The following ITPR1 variants were observed in gnomAD, a reference collection of about 807,000 sequenced individuals.
ITPR1 encodes the protein inositol 1,4,5-trisphosphate-gated calcium channel ITPR1.
In ITPR1, 96 loss-of-function variants were observed where a neutral mutation model predicts 318.4. That is an observed-to-expected ratio of 0.30 (90% confidence interval 0.26 to 0.36). ITPR1 has a LOEUF of 0.36. Ranked by LOEUF, ITPR1 falls within the 10% of genes least tolerant of loss-of-function variation. The probability of loss-of-function intolerance (pLI) is 1.00; values close to 1 mark genes in which losing one functional copy is unlikely to be tolerated. For missense variants in ITPR1, 2,440 were observed against 3,460.2 expected, an observed-to-expected ratio of 0.71 and a Z score of 7.40; for synonymous variants, 1,312 against 1,289.9, an observed-to-expected ratio of 1.02 and a Z score of -0.37.
rs1161664837 is a variant in ITPR1, at chr3:4,624,670, C to CAAA, written c.164-3072_164-3070dup. On this transcript the variant is annotated intron_variant, in intron 4 of 61. Coordinates refer to ENST00000649015, the MANE Select transcript of ITPR1 (RefSeq NM_001378452.1). The stretch of plus-strand genomic sequence containing the variant: ...GGGCAACAGAGCCAGGCTCTGTCTC[C>CAAA]AAAAAAAAAAAAAAAAAAAAAAAGA... Among the ~76,000 whole-genome samples the CAAA allele has an allele frequency of 1.7e-3, 123 of 72,424 alleles. 1 individual carries two copies. The highest frequency in any genetic ancestry group is 4.9e-3 in the African/African-American group (115 of 23,242). 47.5% of individuals were successfully genotyped at this position (72,424 alleles called of 152,430 possible). A position where few individuals can be genotyped will look rare whatever the true frequency, so the allele number is the denominator to read the frequency against.
rs142527379 is a variant in ITPR1 at position 4,693,714 on chromosome 3, G to A, written c.4254G>A (p.Val1418=). 1 of 1,613,272 alleles carries A rather than the reference G, an allele frequency of 6.2e-7. No individual in the cohort carries two copies. The highest frequency in any genetic ancestry group is 1.7e-5 in the Admixed American group (1 of 59,814). ...SLLPLDDIVR[V]VTHEDCIPEV... ...TCCCGCTGGATGACATCGTTCGCGTGGTGACCCACGAGGACTGCATCCCTG... is the reference window on the plus strand; with the variant it reads ...TCCCGCTGGATGACATCGTTCGCGTAGTGACCCACGAGGACTGCATCCCTG... The change falls in exon 33 of 62, where the codon GTG becomes GTA. Residue 1418 remains valine, a synonymous_variant. Transcript: ENST00000649015.
intron 4 of ITPR1, among the ~76,000 whole-genome samples, chr3:4,525,195 CATA>C (rs766496146): frequency 2.4e-4 from 36 of 152,194 alleles, no homozygotes; most frequent in Admixed American, 5.2e-4. Flanking sequence ...TGATAGATTC[CATA>C]ATATTTCTCA....
intron 50 of ITPR1, among the ~76,000 whole-genome samples, chr3:4,783,284 C>T (rs1044925525): frequency 6.6e-6 from 1 of 152,078 alleles, no homozygotes; most frequent in Non-Finnish European, 1.5e-5. Flanking sequence ...TGCCGACGTG[C>T]CTTGAGCTTT....
chr3:4,630,589 A>ATTT (rs1266519201), intron 5 of ITPR1, among the ~76,000 whole-genome samples: 1 of 144,244 alleles, frequency 6.9e-6, no homozygotes, highest in African/African-American at 2.5e-5. Flanking sequence ...TATTATTATT[A>ATTT]TTATTATTAT....
At chr3:4,609,079 T>C (rs1436973114) in intron 4 of ITPR1, among the ~76,000 whole-genome samples, 5 of 91,556 alleles carry the variant, frequency 5.5e-5, no homozygotes, top group Admixed American at 2.1e-4. Flanking sequence ...TATATATATA[T>C]ATATATATAT....
intron 4 of ITPR1, among the ~76,000 whole-genome samples, chr3:4,622,466 C>T (rs566712698): frequency 4.6e-5 from 7 of 151,598 alleles, no homozygotes; most frequent in Non-Finnish European, 8.8e-5. Flanking sequence ...GCTCTGTCGC[C>T]AGGCTGGAGT....
chr3:4,844,566 G>C (rs777595007), intron 61 of ITPR1, among the ~76,000 whole-genome samples: 2 of 152,240 alleles, frequency 1.3e-5, no homozygotes, highest in Non-Finnish European at 2.9e-5. Context: ...GAACTATCAG[G>C]TAGTAAGATG....
chr3:4,747,651 CTT>C (rs2044204246), intron 44 of ITPR1, among the ~76,000 whole-genome samples: 1 of 152,208 alleles, frequency 6.6e-6, no homozygotes. Context: ...TCATGAAAGA[CTT>C]TTCCTTTCAG....
rs868727321 is a variant in ITPR1 at position 4,663,336 on chromosome 3, G to A, written c.1554+130G>A. ...AGGATCCCCTTGAGCCCAGGAAATG[G>A]AGGTTGCAGTGAGCTGATCGCATCA... On this transcript the variant is annotated intron_variant, in intron 16 of 61. Coordinates refer to ENST00000649015, the MANE Select transcript of ITPR1 (RefSeq NM_001378452.1). 113 of 751,786 alleles carry A rather than the reference G, an allele frequency of 1.5e-4. No individual in the cohort carries two copies. The Middle Eastern group carries it at 5.0e-3, about 33-fold the overall frequency. The allele number at this position is 751,786 out of a possible 1,614,324, so 46.6% of individuals were successfully genotyped here.
intron 4 of ITPR1, among the ~76,000 whole-genome samples, chr3:4,532,812 TCAA>T (rs2083530317): frequency 6.6e-6 from 1 of 152,200 alleles, no homozygotes; most frequent in African/African-American, 2.4e-5. Flanking sequence ...GGCTAGTGGA[TCAA>T]AGTGCCCAGA....
intron 44 of ITPR1, chr3:4,751,281 T>C (rs535717306): frequency 6.4e-4 from 98 of 152,412 alleles, no homozygotes; most frequent in Non-Finnish European, 1.2e-3. Flanking sequence ...ATGACTCAGC[T>C]TGCATTTAAT....
chr3:4,576,042 T>A (rs1383356892), intron 4 of ITPR1, among the ~76,000 whole-genome samples: 3 of 150,386 alleles, frequency 2.0e-5, no homozygotes, highest in African/African-American at 2.4e-5. Flanking sequence ...AAAAGAAATG[T>A]GGCTGGTGAT....
In ITPR1 at chr3:4,826,184, T is replaced by C. The variant is rs1575394818; in HGVS notation, c.8028+7942T>C. ...TCTGCTTCGTGCAGATGCACGATGA[T>C]GGGTTTGGGCTTTTATTCTGAATTC... On this transcript the variant is annotated intron_variant, in intron 60 of 61. Transcript: ENST00000649015. This position sits in a 1 kb window ranked among gnomAD's most constrained non-coding sequence, Gnocchi z 4.2. Among the ~76,000 whole-genome samples, 1 of 152,258 alleles carries C rather than the reference T, an allele frequency of 6.6e-6. No homozygotes were observed. The highest frequency in any genetic ancestry group is 1.9e-4 in the East Asian group (1 of 5,204).
intron 33 of ITPR1, among the ~76,000 whole-genome samples, chr3:4,696,495 G>A (rs1351301226): frequency 6.6e-6 from 1 of 152,154 alleles, no homozygotes; most frequent in East Asian, 1.9e-4. Flanking sequence ...ACCACGTTTT[G>A]TGTGTCCATC....
intron 44 of ITPR1, chr3:4,749,281 A>G (rs2044328616): frequency 6.6e-6 from 1 of 152,212 alleles, no homozygotes; most frequent in Admixed American, 6.5e-5. Context: ...AGTTGCTCAC[A>G]TTGGATACCC....
At chr3:4,768,887 T>C in intron 46 of ITPR1, 123 bp downstream of exon 46, 2 of 931,314 alleles carry the variant, frequency 2.1e-6, no homozygotes, top group Admixed American at 5.3e-5. Context: ...CCAGCAAGGT[T>C]CTTTTTTTTC....
chr3:4,688,196 T>C (rs568825077), intron 30 of ITPR1, among the ~76,000 whole-genome samples: 1 of 152,282 alleles, frequency 6.6e-6, no homozygotes, highest in South Asian at 2.1e-4. Flanking sequence ...TCCCTGTCTT[T>C]AGAAGTAGGG....
At chr3:4,752,114 G>A (rs1266555428) in intron 44 of ITPR1, among the ~76,000 whole-genome samples, 4 of 152,108 alleles carry the variant, frequency 2.6e-5, no homozygotes, top group South Asian at 2.1e-4. Flanking sequence ...TTCAAGCCTC[G>A]TTTTTCCCCT....
intron 44 of ITPR1, among the ~76,000 whole-genome samples, chr3:4,754,500 G>C (rs2044804716): frequency 6.6e-6 from 1 of 152,158 alleles, no homozygotes; most frequent in Non-Finnish European, 1.5e-5. Flanking sequence ...TTTCACAAGA[G>C]CCACCAGAGG....
Sources: allele counts gnomAD v4.1 joint callset (sites outside exome capture counted in the v4.1 genomes callset), GRCh38; gene constraint gnomAD v4.1.1; non-coding constraint Gnocchi (gnomAD v3.1); transcripts MANE v1.5; gene names NCBI Gene and HGNC (gene_info 2026-07-23, HGNC 2026-07-21).